CHCHD4: variants seen among roughly 807,000 people sequenced by gnomAD.
The protein encoded by CHCHD4 is coiled-coil-helix-coiled-coil-helix domain containing 4, also known as mitochondrial intermembrane space import and assembly protein 40.
Under a neutral mutation model 12.4 loss-of-function variants are expected in CHCHD4, and 7 were observed. The observed-to-expected ratio is 0.57, with a 90% CI of 0.32 to 1.06. The LOEUF (loss-of-function observed/expected upper bound fraction) is 1.06, where lower values mean the gene tolerates loss of function less well. Among genes scored for constraint, CHCHD4 ranks in the 50% least tolerant of loss-of-function variants. The probability of loss-of-function intolerance (pLI) is 0.04; values close to 1 mark genes in which losing one functional copy is unlikely to be tolerated. For missense variants in CHCHD4, 143 were observed against 175.1 expected (o/e 0.82, Z 1.03); for synonymous variants, 56 against 58.0 (o/e 0.97, Z 0.16).
chr3:14,116,444 C>T lies in CHCHD4; in HGVS notation c.103G>A (p.Asp35Asn), dbSNP rs1355610197. 4 of 1,611,740 alleles carry T rather than the reference C, an allele frequency of 2.5e-6. No homozygotes were observed. The highest frequency in any genetic ancestry group is 2.7e-5 in the African/African-American group (2 of 74,874). The change falls in exon 2 of 3, where the codon GAT becomes AAT. Residue 35 changes from aspartate (D) to asparagine (N), a missense_variant. Physicochemically the swap from Asp to Asn is conservative, Grantham distance 23 (BLOSUM62 1). Transcript: ENST00000396914. ...CACTCACCATGCTCCTCGTATGGAT[C>T]GTTGGGGTCATCAGCCACCAATTCT... The part of the protein sequence containing the change: ...SAELVADDPN[D>N]PYEEHGLILP...
At chr3:14,117,711 G>T (rs1278039074) in intron 1 of CHCHD4, among the ~76,000 whole-genome samples, 2 of 152,136 alleles carry the variant, frequency 1.3e-5, no homozygotes, top group Non-Finnish European at 2.9e-5. Context: ...TCCTCCGTGT[G>T]AGCTCATTCC....
chr3:14,123,403 T>C (rs1694960784), intron 1 of CHCHD4, among the ~76,000 whole-genome samples: 1 of 152,230 alleles, frequency 6.6e-6, no homozygotes, highest in East Asian at 1.9e-4. Flanking sequence ...CATTAAGTAG[T>C]AATCAGCGGA....
intron 1 of CHCHD4, among the ~76,000 whole-genome samples, chr3:14,123,566 T>A (rs113658824): frequency 2.6e-4 from 40 of 152,302 alleles, no homozygotes; most frequent in Admixed American, 3.9e-4. Context: ...GTAGGCCACC[T>A]CCTTCTCTGG....
chr3:14,124,820 C>CGG lies in CHCHD4; in HGVS notation c.-145_-144insCC. 1 of 1,001,282 alleles carries CGG rather than the reference C, an allele frequency of 1.0e-6. No homozygotes were observed. The highest frequency in any genetic ancestry group is 1.4e-6 in the Non-Finnish European group (1 of 701,994). The allele number at this position is 1,001,282 out of a possible 1,614,324, so 62.0% of individuals were successfully genotyped here. A position where few individuals can be genotyped will look rare whatever the true frequency, so the allele number is the denominator to read the frequency against. ...CCCTCCCAGGCCTGCCCGCCGCGCGCCTGCCTCGGCGCCCTCGCAACCGCG... is the reference window on the plus strand; with the variant it reads ...CCCTCCCAGGCCTGCCCGCCGCGCGCGGCTGCCTCGGCGCCCTCGCAACCGCG... On this transcript the variant is annotated 5_prime_UTR_variant, in exon 1 of 3. Coordinates refer to ENST00000396914, the MANE Select transcript of CHCHD4 (RefSeq NM_001098502.2).
chr3:14,112,902 CTCT>C lies in CHCHD4; in HGVS notation c.411_413del (p.Glu139del), dbSNP rs778466032. 1.2e-6 allele frequency: 2 copies of C among 1,612,084 alleles called. No individual in the cohort carries two copies. The highest frequency in any genetic ancestry group is 2.2e-5 in the East Asian group (1 of 44,846). ...GTGGCCTTCATTAACTTGATCCCTCCTCTTCTTTGGTTGCAGTGGCCTCAATGG... is the reference window on the plus strand; with the variant it reads ...GTGGCCTTCATTAACTTGATCCCTCCTCTTTGGTTGCAGTGGCCTCAATGG... On this transcript the variant is annotated inframe_deletion, in exon 3 of 3. Coordinates refer to ENST00000396914, the MANE Select transcript of CHCHD4 (RefSeq NM_001098502.2).
chr3:14,113,211 G>A lies in CHCHD4; in HGVS notation c.122-17C>T, dbSNP rs1694840820. 2 of 1,578,444 alleles carry A rather than the reference G, an allele frequency of 1.3e-6. No individual in the cohort carries two copies. Among genetic ancestry groups the A allele is most frequent in the African/African-American group, 2.7e-5 (2 of 73,852 alleles). On this transcript the variant is annotated splice_polypyrimidine_tract_variant and intron_variant, in intron 2 of 2. Coordinates refer to ENST00000396914, the MANE Select transcript of CHCHD4 (RefSeq NM_001098502.2). ...GTATCAATCCTAGAACAGGAAGATA[G>A]AGAGATGTTCTCTAAAGTTTCAGAA...
intron 1 of CHCHD4, among the ~76,000 whole-genome samples, chr3:14,122,925 G>T (rs1308485116): frequency 6.6e-6 from 1 of 152,084 alleles, no homozygotes; most frequent in East Asian, 1.9e-4. Flanking sequence ...GCAGCAAAAG[G>T]GTGGGAAGAG....
At chr3:14,122,389 G>A (rs1276390350) in intron 1 of CHCHD4, among the ~76,000 whole-genome samples, 3 of 152,238 alleles carry the variant, frequency 2.0e-5, no homozygotes, top group Non-Finnish European at 4.4e-5. Context: ...GGCACATCAC[G>A]TGTGCTCTAT....
rs192336118 is a variant in CHCHD4 at position 14,122,230 on chromosome 3, G to A, written c.22+2425C>T. On this transcript the variant is annotated intron_variant, in intron 1 of 2. Transcript: ENST00000396914. ...GACCCCATAGAGCCTTTCACTAAACGATCATAGCATGCTGGGCTTTTCCTT... is the reference window on the plus strand; with the variant it reads ...GACCCCATAGAGCCTTTCACTAAACAATCATAGCATGCTGGGCTTTTCCTT... 1.4e-5 allele frequency: 17 copies of A among 1,176,916 alleles called. No homozygotes were observed. The African/African-American group carries it at 2.3e-4, about 16-fold the overall frequency. 72.9% of individuals were successfully genotyped at this position (1,176,916 alleles called of 1,614,324 possible). A position where few individuals can be genotyped will look rare whatever the true frequency, so the allele number is the denominator to read the frequency against.
intron 1 of CHCHD4, 44 bp from the exon 2 acceptor site, chr3:14,116,568 A>C (rs766844134): frequency 5.6e-6 from 8 of 1,440,010 alleles, no homozygotes; most frequent in Non-Finnish European, 6.9e-6. Context: ...ATTCAAGAGC[A>C]GTGAATCAGC....
chr3:14,116,051 T>G (rs1214872867), intron 2 of CHCHD4, among the ~76,000 whole-genome samples: 1 of 152,234 alleles, frequency 6.6e-6, no homozygotes. Flanking sequence ...CAGCAGGGAC[T>G]TCACCAACCT....
intron 1 of CHCHD4, among the ~76,000 whole-genome samples, chr3:14,124,183 C>T (rs1694974079): frequency 6.6e-6 from 1 of 152,352 alleles, no homozygotes; most frequent in Middle Eastern, 3.4e-3. Context: ...AAAACATTCC[C>T]GTTAGTGGAA....
chr3:14,113,210 A>AG lies in CHCHD4; in HGVS notation c.122-17dup. ...AGTATCAATCCTAGAACAGGAAGAT[A>AG]GAGAGATGTTCTCTAAAGTTTCAGA... On this transcript the variant is annotated splice_polypyrimidine_tract_variant and intron_variant, in intron 2 of 2. Transcript: ENST00000396914. 2 of 1,581,222 alleles carry AG rather than the reference A, an allele frequency of 1.3e-6. No individual in the cohort carries two copies. The highest frequency in any genetic ancestry group is 1.7e-6 in the Non-Finnish European group (2 of 1,161,646).
rs186854735 is a variant in CHCHD4, at chr3:14,118,958, C to T, written c.23-2434G>A. ...TCCAAACGTGGTAAAGTATGAGGCC[C>T]TCCTGGGGTTTGCCATACATAGAGA... is the stretch of plus-strand genomic sequence containing the variant. On this transcript the variant is annotated intron_variant, in intron 1 of 2. Coordinates refer to ENST00000396914, the MANE Select transcript of CHCHD4 (RefSeq NM_001098502.2). 1.6e-4 allele frequency among the ~76,000 whole-genome samples: 24 copies of T among 152,312 alleles called. 1 individual carries two copies. The East Asian group carries it at 4.4e-3, about 28-fold the overall frequency.
chr3:14,119,016 G>C (rs1694905829), intron 1 of CHCHD4: 1 of 152,424 alleles, frequency 6.6e-6, no homozygotes, highest in Admixed American at 6.5e-5. Flanking sequence ...GCTGAATCGA[G>C]CTCTCTGCCA....
At chr3:14,118,591 C>T (rs978153246) in intron 1 of CHCHD4, among the ~76,000 whole-genome samples, 2 of 152,226 alleles carry the variant, frequency 1.3e-5, no homozygotes, top group Admixed American at 6.5e-5. Flanking sequence ...CCTCAGCACA[C>T]GGGGCCAGGA....
intron 1 of CHCHD4, 108 bp from the exon 2 acceptor site, chr3:14,116,632 C>G (rs1339516400): frequency 3.8e-6 from 3 of 790,108 alleles, no homozygotes; most frequent in Non-Finnish European, 6.7e-6. Flanking sequence ...CTCCCATATG[C>G]CATCCCTATG....
chr3:14,112,774 G>A lies in CHCHD4; in HGVS notation c.*113C>T. ...TCTGATCATCAAAATAAGTTATTTT[G>A]TATATTATAATGCACAGGACAACAG... On this transcript the variant is annotated 3_prime_UTR_variant, in exon 3 of 3. Transcript: ENST00000396914. 1.0e-6 allele frequency: 1 copy of A among 958,012 alleles called. No homozygotes were observed. The highest frequency in any genetic ancestry group is 2.6e-5 in the East Asian group (1 of 38,096). The allele number at this position is 958,012 out of a possible 1,614,324, so 59.3% of individuals were successfully genotyped here. A position where few individuals can be genotyped will look rare whatever the true frequency, so the allele number is the denominator to read the frequency against.
intron 2 of CHCHD4, among the ~76,000 whole-genome samples, chr3:14,113,460 ATTAAATACC>A (rs1368554270): frequency 6.6e-5 from 10 of 152,344 alleles, no homozygotes; most frequent in Admixed American, 2.6e-4. Flanking sequence ...TGCTCCAAGA[ATTAAATACC>A]GGGACCCATT....
Sources: gnomAD v4.1 joint callset for allele counts (sites outside exome capture counted in the v4.1 genomes callset) on GRCh38, gnomAD v4.1.1 for gene constraint, MANE v1.5 for transcripts, NCBI Gene and HGNC (gene_info 2026-07-23, HGNC 2026-07-21) for gene names.